Variants in SPOCK3 observed in about 807,000 individuals in gnomAD.
The protein encoded by SPOCK3 is testican-3.
A neutral mutation model predicts 56.6 loss-of-function variants in SPOCK3; 30 were observed. That is an observed-to-expected ratio of 0.53 (90% CI 0.40 to 0.72). The LOEUF (loss-of-function observed/expected upper bound fraction) is 0.72. Among genes scored for constraint, SPOCK3 ranks in the 30% least tolerant of loss-of-function variants. The pLI is 0.00. For missense variants in SPOCK3, 527 were observed against 530.0 expected (o/e 0.99, Z 0.06); for synonymous variants, 196 against 183.3 (o/e 1.07, Z -0.56).
At chr4:166,788,056 C>G (rs1046358458) in intron 7 of SPOCK3, among the ~76,000 whole-genome samples, 1 of 152,038 alleles carries the variant, frequency 6.6e-6, no homozygotes, top group African/African-American at 2.4e-5. Flanking sequence ...GTGGCACACA[C>G]CAGTAATCCC....
chr4:166,892,027 A>G (rs929672883), intron 5 of SPOCK3, among the ~76,000 whole-genome samples: 18 of 152,038 alleles, frequency 1.2e-4, no homozygotes, highest in African/African-American at 4.3e-4. Flanking sequence ...TGAATGAACA[A>G]CAAACATACA....
At chr4:167,158,398 A>T (rs1764991392) in intron 2 of SPOCK3, among the ~76,000 whole-genome samples, 1 of 152,020 alleles carries the variant, frequency 6.6e-6, no homozygotes, top group African/African-American at 2.4e-5. Flanking sequence ...GAATACATAT[A>T]CACATTTGTA....
At chr4:166,942,504 A>C (rs542908582) in intron 4 of SPOCK3, among the ~76,000 whole-genome samples, 18 of 151,996 alleles carry the variant, frequency 1.2e-4, no homozygotes, top group Non-Finnish European at 1.6e-4. Context: ...TAAAAAAAAA[A>C]CACAAAAGTT....
intron 4 of SPOCK3, among the ~76,000 whole-genome samples, chr4:166,979,402 C>T (rs1294679681): frequency 7.2e-5 from 11 of 152,184 alleles, no homozygotes; most frequent in Non-Finnish European, 1.5e-4. Context: ...ACAAAAACTC[C>T]TTGATTTTTA....
intron 7 of SPOCK3, among the ~76,000 whole-genome samples, chr4:166,764,311 G>A (rs1181513639): frequency 1.3e-5 from 2 of 151,912 alleles, no homozygotes; most frequent in African/African-American, 2.4e-5. Flanking sequence ...ATTTACATTG[G>A]GTATATCTCC....
At chr4:167,060,103 T>C (rs1755421559) in intron 3 of SPOCK3, among the ~76,000 whole-genome samples, 1 of 151,906 alleles carries the variant, frequency 6.6e-6, no homozygotes, top group African/African-American at 2.4e-5. Context: ...TATACATATG[T>C]AACTAACCTG....
intron 2 of SPOCK3, among the ~76,000 whole-genome samples, chr4:167,214,481 T>A (rs1735174914): frequency 6.6e-6 from 1 of 152,240 alleles, no homozygotes; most frequent in African/African-American, 2.4e-5. Context: ...TTTTTAAAAT[T>A]CATGACTACA....
intron 4 of SPOCK3, among the ~76,000 whole-genome samples, chr4:166,954,498 A>C (rs778827680): frequency 1.5e-4 from 23 of 152,194 alleles, no homozygotes; most frequent in South Asian, 1.4e-3. Flanking sequence ...AGAGATGAGC[A>C]TCTAATTTTA....
intron 8 of SPOCK3, among the ~76,000 whole-genome samples, chr4:166,752,414 G>A (rs1736491937): frequency 6.6e-6 from 1 of 151,942 alleles, no homozygotes; most frequent in Admixed American, 6.6e-5. Flanking sequence ...TTATTTTCCA[G>A]TTGTTTTTCC....
At chr4:167,003,039 G>A (rs1042831079) in intron 3 of SPOCK3, among the ~76,000 whole-genome samples, 4 of 151,368 alleles carry the variant, frequency 2.6e-5, no homozygotes, top group African/African-American at 7.3e-5. Context: ...ATAAAATTTT[G>A]ATTAATCTAG....
intron 6 of SPOCK3, among the ~76,000 whole-genome samples, chr4:166,812,729 G>T (rs780761068): frequency 1.3e-5 from 2 of 151,898 alleles, no homozygotes; most frequent in African/African-American, 4.8e-5. Context: ...ACTTCCATCA[G>T]ATCATAATTC....
intron 4 of SPOCK3, among the ~76,000 whole-genome samples, chr4:166,984,103 T>C (rs894897100): frequency 6.6e-6 from 1 of 152,076 alleles, no homozygotes; most frequent in East Asian, 1.9e-4. Flanking sequence ...AAAAGAATAA[T>C]ACAAATTGTT....
At chr4:167,143,712 A>G (rs1017996539) in intron 2 of SPOCK3, among the ~76,000 whole-genome samples, 6 of 151,954 alleles carry the variant, frequency 3.9e-5, no homozygotes, top group Non-Finnish European at 8.8e-5. Context: ...TAAAAGCACT[A>G]ATTTTCCAAA....
intron 6 of SPOCK3, among the ~76,000 whole-genome samples, chr4:166,806,595 A>G (rs1340795828): frequency 7.6e-6 from 1 of 131,316 alleles, no homozygotes; most frequent in Non-Finnish European, 1.5e-5. Context: ...CTTAAACACT[A>G]TTTGTCCTAC....
At chr4:166,921,235 G>C (rs1738444541) in intron 4 of SPOCK3, among the ~76,000 whole-genome samples, 1 of 151,974 alleles carries the variant, frequency 6.6e-6, no homozygotes, top group South Asian at 2.1e-4. Context: ...AATTTAAAAG[G>C]CAGCCTAATA....
At chr4:167,104,184 G>A (rs534267747) in intron 2 of SPOCK3, among the ~76,000 whole-genome samples, 9 of 152,108 alleles carry the variant, frequency 5.9e-5, no homozygotes, top group African/African-American at 1.4e-4. Flanking sequence ...ACCAACAAAC[G>A]TCAACAGCCA....
chr4:167,047,112 G>A (rs34260224), intron 3 of SPOCK3, among the ~76,000 whole-genome samples: 16,611 of 152,158 alleles, frequency 0.11, 1,146 homozygotes, highest in Middle Eastern at 0.21. Flanking sequence ...TTCTAAGGCA[G>A]GCATTTCTGA....
chr4:166,916,214 C>T (rs982878334), intron 4 of SPOCK3, among the ~76,000 whole-genome samples: 2 of 151,666 alleles, frequency 1.3e-5, no homozygotes, highest in African/African-American at 2.4e-5. Context: ...TCAAAGATTC[C>T]AGATTCAAGG....
At chr4:166,780,842 G>C (rs1025325188) in intron 7 of SPOCK3, among the ~76,000 whole-genome samples, 1 of 152,134 alleles carries the variant, frequency 6.6e-6, no homozygotes, top group African/African-American at 2.4e-5. Context: ...CAATGGTGGA[G>C]GGGTACAATC....
Sources: allele counts gnomAD v4.1 joint callset (sites outside exome capture counted in the v4.1 genomes callset), GRCh38; gene constraint gnomAD v4.1.1; transcripts MANE v1.5; gene names NCBI Gene and HGNC (gene_info 2026-07-23, HGNC 2026-07-21).